SUMF1: variants seen among roughly 807,000 people sequenced by gnomAD.
SUMF1 encodes sulfatase modifying factor 1.
Under a neutral mutation model 47.6 loss-of-function variants are expected in SUMF1, and 48 were observed. The ratio of observed to expected loss-of-function variants is 1.01; its 90% CI spans 0.80 to 1.28. The LOEUF (loss-of-function observed/expected upper bound fraction) is 1.28. Among genes scored for constraint, SUMF1 ranks in the 50% most tolerant of loss-of-function variants. The pLI is 0.00. For missense variants in SUMF1, 571 were observed against 485.4 expected (o/e 1.18, Z -1.66); for synonymous variants, 230 against 192.1 (o/e 1.20, Z -1.63).
chr3:4,328,349 A>C (rs1179060485), intron 8 of SUMF1, among the ~76,000 whole-genome samples: 1 of 152,212 alleles, frequency 6.6e-6, no homozygotes, highest in Non-Finnish European at 1.5e-5. Flanking sequence ...AAGATAGCGT[A>C]TTAGTCAGTT....
In SUMF1 at chr3:4,241,366, G is replaced by A. The variant is rs1296102027; in HGVS notation, c.1014+134964C>T. ...CATACCCAAATAATATGTATGCTTA[G>A]GTAAGAACCTTGGTATTTGTGGGAT... is the stretch of plus-strand genomic sequence containing the variant. On this transcript the variant is annotated intron_variant and NMD_transcript_variant, in intron 8 of 12. Transcript: ENST00000448413. Among the ~76,000 whole-genome samples the A allele has an allele frequency of 1.3e-5, 2 of 152,120 alleles. 1 individual carries two copies. Among genetic ancestry groups the A allele is most frequent in the East Asian group, 3.9e-4 (2 of 5,188 alleles).
intron 3 of SUMF1, among the ~76,000 whole-genome samples, chr3:4,438,243 G>GGC (rs1702467157): frequency 6.6e-6 from 1 of 151,126 alleles, no homozygotes; most frequent in African/African-American, 2.4e-5. Context: ...AAAAAAAAAA[G>GGC]ATCTCATAGA....
At chr3:4,127,211 TG>T (rs1173698361) in intron 8 of SUMF1, among the ~76,000 whole-genome samples, 1 of 152,154 alleles carries the variant, frequency 6.6e-6, no homozygotes, top group East Asian at 1.9e-4. Context: ...AGAGCTGAAA[TG>T]GCTAAAAACC....
intron 8 of SUMF1, among the ~76,000 whole-genome samples, chr3:4,294,399 C>A (rs1409722642): frequency 1.3e-5 from 2 of 152,042 alleles, no homozygotes; most frequent in Admixed American, 6.5e-5. Context: ...CCTATCTCTA[C>A]AAAAAATTTA....
rs113492721 is a variant in SUMF1, at chr3:4,098,920, C to A, written c.1015-30175G>T. On this transcript the variant is annotated intron_variant and NMD_transcript_variant, in intron 8 of 12. Transcript: ENST00000448413. ...GCCAATAAAATGTTAACATTCGAGA[C>A]TCATTAAGCAGATTTGTAGCATTCA... 6.4e-3 allele frequency among the ~76,000 whole-genome samples: 975 copies of A among 152,246 alleles called. 20 individuals are homozygous for A. Among genetic ancestry groups the A allele is most frequent in the African/African-American group, 0.022 (921 of 41,524 alleles).
intron 8 of SUMF1, among the ~76,000 whole-genome samples, chr3:4,236,780 A>G (rs1167727495): frequency 6.6e-6 from 1 of 152,134 alleles, no homozygotes; most frequent in Non-Finnish European, 1.5e-5. Context: ...CATCATTTAT[A>G]TTAAGGTTCA....
intron 8 of SUMF1, among the ~76,000 whole-genome samples, chr3:4,330,911 GT>G (rs771617313): frequency 8.6e-5 from 13 of 151,940 alleles, no homozygotes; most frequent in Non-Finnish European, 1.6e-4. Flanking sequence ...CCTTTTTACA[GT>G]TTTCTATTAA....
At chr3:4,307,242 A>G (rs904533560) in intron 8 of SUMF1, among the ~76,000 whole-genome samples, 1 of 152,216 alleles carries the variant, frequency 6.6e-6, no homozygotes, top group African/African-American at 2.4e-5. Context: ...TGATTCAGAA[A>G]AGTCAAACTT....
intron 8 of SUMF1, among the ~76,000 whole-genome samples, chr3:4,319,285 G>C (rs1698769027): frequency 6.6e-6 from 1 of 152,174 alleles, no homozygotes; most frequent in Non-Finnish European, 1.5e-5. Context: ...CAGTCCTGCT[G>C]CTCACCACAC....
intron 8 of SUMF1, among the ~76,000 whole-genome samples, chr3:4,260,828 G>C (rs565441224): frequency 6.6e-6 from 1 of 152,102 alleles, no homozygotes; most frequent in Non-Finnish European, 1.5e-5. Flanking sequence ...CCATATGTGC[G>C]TGTCCTAATC....
At position 4,189,221 on chromosome 3, in the gene SUMF1, T is replaced by A. The variant is rs1160359045; in HGVS notation, c.1015-120476A>T. On this transcript the variant is annotated intron_variant and NMD_transcript_variant, in intron 8 of 12. Coordinates refer to the SUMF1 transcript ENST00000448413. ...CTCAGGACAGAACAGGAAAGCCTAT[T>A]TGCGGGGAGGGGTCCAAAATTGGGA... Among the ~76,000 whole-genome samples, 3 of 152,072 alleles carry A rather than the reference T, an allele frequency of 2.0e-5. No homozygotes were observed. In the East Asian group the frequency reaches 5.8e-4, roughly 29 times the overall value.
intron 8 of SUMF1, among the ~76,000 whole-genome samples, chr3:4,248,593 G>A: frequency 6.6e-6 from 1 of 152,112 alleles, no homozygotes; most frequent in African/African-American, 2.4e-5. Context: ...CCACATACCT[G>A]AGATTTCATT....
Position 4,158,963 on chromosome 3 carries a change from T to G in SUMF1, c.1015-90218A>C, listed in dbSNP as rs969881640. On this transcript the variant is annotated intron_variant and NMD_transcript_variant, in intron 8 of 12. Transcript: ENST00000448413. ...ACTCTACATTTTTTGATTGGAGAAT[T>G]TAGTCTACTTACATTCAATGTTATT... 5.9e-5 allele frequency among the ~76,000 whole-genome samples: 9 copies of G among 151,780 alleles called. No individual in the cohort carries two copies. The East Asian group carries it at 1.7e-3, about 29-fold the overall frequency.
At chr3:4,117,869 A>G (rs1559485235) in intron 8 of SUMF1, among the ~76,000 whole-genome samples, 1 of 152,044 alleles carries the variant, frequency 6.6e-6, no homozygotes, top group Non-Finnish European at 1.5e-5. Context: ...TTGGTATTCA[A>G]GTTGAGACGG....
chr3:4,074,315 G>C (rs910577399), intron 8 of SUMF1, among the ~76,000 whole-genome samples: 2 of 152,118 alleles, frequency 1.3e-5, no homozygotes, highest in Non-Finnish European at 2.9e-5. Context: ...TGACGTACCA[G>C]AATCTCTGTG....
At chr3:4,463,500 C>A (rs535000432) in intron 1 of SUMF1, among the ~76,000 whole-genome samples, 2 of 152,140 alleles carry the variant, frequency 1.3e-5, no homozygotes, top group African/African-American at 2.4e-5. Context: ...AAAAACAAAA[C>A]AAAACAAAAC....
chr3:4,370,842 T>C (rs1335573833), intron 8 of SUMF1, among the ~76,000 whole-genome samples: 7 of 152,200 alleles, frequency 4.6e-5, no homozygotes, highest in Non-Finnish European at 8.8e-5. Flanking sequence ...CTTTGAATAA[T>C]GAAAAGTTTA....
At chr3:4,213,236 G>A (rs1005322364) in intron 8 of SUMF1, among the ~76,000 whole-genome samples, 1 of 152,154 alleles carries the variant, frequency 6.6e-6, no homozygotes, top group African/African-American at 2.4e-5. Context: ...CTACAAGCCA[G>A]AAGAGAGTGG....
chr3:4,370,551 A>AC (rs1220524398), intron 8 of SUMF1, among the ~76,000 whole-genome samples: 2 of 152,178 alleles, frequency 1.3e-5, no homozygotes, highest in African/African-American at 4.8e-5. Flanking sequence ...CTAGCATATA[A>AC]CCACTCAAAT....
Sources: allele counts gnomAD v4.1 joint callset (sites outside exome capture counted in the v4.1 genomes callset), GRCh38; gene constraint gnomAD v4.1.1; transcripts MANE v1.5; gene names NCBI Gene and HGNC (gene_info 2026-07-23, HGNC 2026-07-21).